The following VSTM4 variants were observed in gnomAD, a reference collection of about 807,000 sequenced individuals.
The protein encoded by VSTM4 is V-set and transmembrane domain-containing protein 4.
A neutral mutation model predicts 36.4 loss-of-function variants in VSTM4; 20 were observed. That is an observed-to-expected ratio of 0.55 (90% CI 0.39 to 0.80). VSTM4 has a LOEUF of 0.80. Among genes scored for constraint, VSTM4 ranks in the 30% least tolerant of loss-of-function variants. The pLI is 0.00. For synonymous variants in VSTM4, 182 were observed against 173.9 expected (o/e 1.05, Z -0.37); for missense variants, 392 against 404.5 (o/e 0.97, Z 0.26).
chr10:49,090,374 G>C (rs1351859420), intron 2 of VSTM4, among the ~76,000 whole-genome samples: 2 of 152,180 alleles, frequency 1.3e-5, no homozygotes, highest in Non-Finnish European at 2.9e-5. Flanking sequence ...CAAAGGAATG[G>C]AGGTCCTGCC....
At chr10:49,086,631 G>A (rs1335548288) in intron 2 of VSTM4, among the ~76,000 whole-genome samples, 2 of 152,272 alleles carry the variant, frequency 1.3e-5, no homozygotes, top group East Asian at 1.9e-4. Flanking sequence ...CTGGGCCCAC[G>A]GAAAGTTTCC....
intron 2 of VSTM4, chr10:49,103,921 GGGGGGCACTCAAACCCCCAA>G: frequency 6.9e-7 from 1 of 1,439,408 alleles, no homozygotes. Flanking sequence ...GGCCTGGGGT[GGGGGGCACTCAAACCCCCAA>G]GAGCTCCTGT....
At chr10:49,069,276 C>A (rs142858590) in intron 4 of VSTM4, among the ~76,000 whole-genome samples, 1 of 152,192 alleles carries the variant, frequency 6.6e-6, no homozygotes, top group Non-Finnish European at 1.5e-5. Context: ...ATGCCCTGGC[C>A]ACGTCTTCTG....
chr10:49,115,418 C>T lies in VSTM4; in HGVS notation c.55+13G>A, dbSNP rs2132035951. 9.7e-7 allele frequency: 1 copy of T among 1,033,666 alleles called. No homozygotes were observed. The highest frequency in any genetic ancestry group is 1.2e-6 in the Non-Finnish European group (1 of 859,174). 64.0% of individuals were successfully genotyped at this position (1,033,666 alleles called of 1,614,324 possible). A position where few individuals can be genotyped will look rare whatever the true frequency, so the allele number is the denominator to read the frequency against. ...CCACCCTTCCCGCTCCCGCCTGGCC[C>T]CGCCGCGCTTACCCGGAGCCGGAGC... On this transcript the variant is annotated intron_variant, in intron 1 of 7. Transcript: ENST00000332853.
At chr10:49,112,550 G>A (rs1405982237) in intron 1 of VSTM4, among the ~76,000 whole-genome samples, 1 of 152,230 alleles carries the variant, frequency 6.6e-6, no homozygotes, top group Admixed American at 6.5e-5. Context: ...TTAAAATACA[G>A]ATAGAGTTTG....
At chr10:49,093,475 T>A (rs778127461) in intron 2 of VSTM4, among the ~76,000 whole-genome samples, 3 of 152,180 alleles carry the variant, frequency 2.0e-5, no homozygotes, top group Non-Finnish European at 4.4e-5. Flanking sequence ...GAAACAATGA[T>A]TTTTAAAAGA....
At chr10:49,053,822 T>A (rs1022079208) in intron 5 of VSTM4, among the ~76,000 whole-genome samples, 2 of 152,172 alleles carry the variant, frequency 1.3e-5, no homozygotes, top group Non-Finnish European at 2.9e-5. Flanking sequence ...AATAGAGCAG[T>A]GCTGGAAAGC....
At position 49,016,719 on chromosome 10, in the gene VSTM4, C is replaced by G. The variant is rs1359448075; in HGVS notation, c.*2931G>C. ...GGGAGGCCTGGCTTTTCCTTATTTT[C>G]CCTGTGAGCTAACAGAGTGGCGGTA... On this transcript the variant is annotated 3_prime_UTR_variant, in exon 8 of 8. Coordinates refer to ENST00000332853, the MANE Select transcript of VSTM4 (RefSeq NM_001031746.5). 1 of 152,206 alleles carries G rather than the reference C, an allele frequency of 6.6e-6. No homozygotes were observed. The highest frequency in any genetic ancestry group is 1.5e-5 in the Non-Finnish European group (1 of 68,040). The allele number at this position is 152,206 out of a possible 1,614,324, so 9.4% of individuals were successfully genotyped here.
chr10:49,077,172 G>T (rs371797563), intron 4 of VSTM4, 47 bp downstream of exon 4: 37 of 1,582,450 alleles, frequency 2.3e-5, no homozygotes, highest in Non-Finnish European at 3.1e-5. Flanking sequence ...CCCGTCTGTG[G>T]TCGGGGTGTG....
At chr10:49,065,854 T>C (rs1843963921) in intron 4 of VSTM4, among the ~76,000 whole-genome samples, 1 of 152,252 alleles carries the variant, frequency 6.6e-6, no homozygotes, top group African/African-American at 2.4e-5. Flanking sequence ...CAGCTTCAAA[T>C]GGAACTGTAC....
At chr10:49,053,310 C>T (rs914756989) in intron 5 of VSTM4, among the ~76,000 whole-genome samples, 1 of 152,176 alleles carries the variant, frequency 6.6e-6, no homozygotes, top group East Asian at 1.9e-4. Context: ...TACCAGGTTC[C>T]GGCCTGGCCA....
At position 49,085,214 on chromosome 10, in the gene VSTM4, G is replaced by A. The variant is rs868653208; in HGVS notation, c.526+741C>T. Among the ~76,000 whole-genome samples, 4 of 152,342 alleles carry A rather than the reference G, an allele frequency of 2.6e-5. No individual in the cohort carries two copies. The East Asian group carries it at 5.8e-4, about 22-fold the overall frequency. On this transcript the variant is annotated intron_variant, in intron 3 of 7. Coordinates refer to ENST00000332853, the MANE Select transcript of VSTM4 (RefSeq NM_001031746.5). ...GCTCCCAGGTGATGCATATGCTGCC[G>A]GTCTGCAATCACACTTTGGGAACCA...
At chr10:49,021,724 G>T (rs1366630459) in intron 7 of VSTM4, among the ~76,000 whole-genome samples, 2 of 151,988 alleles carry the variant, frequency 1.3e-5, no homozygotes, top group African/African-American at 4.8e-5. Context: ...AAAACATAGA[G>T]GTCCTCTCCT....
At chr10:49,038,601 T>C (rs1371860659) in intron 7 of VSTM4, among the ~76,000 whole-genome samples, 1 of 152,194 alleles carries the variant, frequency 6.6e-6, no homozygotes, top group East Asian at 1.9e-4. Flanking sequence ...TTTGCTGTTA[T>C]GTGTATTTTA....
chr10:49,063,259 G>C (rs970781026), intron 5 of VSTM4, among the ~76,000 whole-genome samples: 6 of 152,080 alleles, frequency 3.9e-5, no homozygotes, highest in Non-Finnish European at 7.4e-5. Flanking sequence ...AGAATCATTT[G>C]AATCTAGGAG....
At chr10:49,031,468 T>C (rs895689151) in intron 7 of VSTM4, among the ~76,000 whole-genome samples, 1 of 152,232 alleles carries the variant, frequency 6.6e-6, no homozygotes, top group South Asian at 2.1e-4. Flanking sequence ...ACTATTTACA[T>C]TATAGATGAT....
In VSTM4 at chr10:49,108,573, A is replaced by T. The variant is rs534519522; in HGVS notation, c.56-578T>A. Among the ~76,000 whole-genome samples, 453 of 152,328 alleles carry T rather than the reference A, an allele frequency of 3.0e-3. 3 individuals are homozygous for T. The highest frequency in any genetic ancestry group is 0.01 in the African/African-American group (418 of 41,582). ...TCAACTGTACCCAGGGCAGATGAGT[A>T]GTAAGGTCGGATGTGAGCTGGGACA... On this transcript the variant is annotated intron_variant, in intron 1 of 7. Transcript: ENST00000332853.
intron 5 of VSTM4, among the ~76,000 whole-genome samples, chr10:49,051,035 G>A (rs1284456216): frequency 6.6e-6 from 1 of 152,106 alleles, no homozygotes; most frequent in Non-Finnish European, 1.5e-5. Flanking sequence ...TACAACTGAG[G>A]AACCGACATT....
rs114485793 is a variant in VSTM4 at position 49,111,654 on chromosome 10, C to A, written c.56-3659G>T. Among the ~76,000 whole-genome samples the A allele has an allele frequency of 2.4e-3, 369 of 151,388 alleles. 1 individual carries two copies. The highest frequency in any genetic ancestry group is 8.3e-3 in the African/African-American group (343 of 41,504). The stretch of plus-strand genomic sequence containing the variant: ...TTGAGGTGGGAGGGAGACGCATCGT[C>A]CCCCTCCCCGTTGTACCTCTCCACT... On this transcript the variant is annotated intron_variant, in intron 1 of 7. Transcript: ENST00000332853.
Sources: allele counts gnomAD v4.1 joint callset (sites outside exome capture counted in the v4.1 genomes callset), GRCh38; gene constraint gnomAD v4.1.1; transcripts MANE v1.5; gene names NCBI Gene and HGNC (gene_info 2026-07-23, HGNC 2026-07-21).